VAV3: variants seen among roughly 807,000 people sequenced by gnomAD.
VAV3 encodes the protein guanine nucleotide exchange factor VAV3.
VAV3 carries 94 observed loss-of-function variants against 131.2 expected under a neutral mutation model. The ratio of observed to expected loss-of-function variants is 0.72; its 90% CI spans 0.61 to 0.85. VAV3 has a LOEUF of 0.85. VAV3 is among the 40% of genes least tolerant of loss of function. VAV3 has a pLI of 0.00. For missense variants in VAV3, 939 were observed against 1,002.7 expected, an observed-to-expected ratio of 0.94 and a Z score of 0.86; for synonymous variants, 349 against 342.0, an observed-to-expected ratio of 1.02 and a Z score of -0.22.
chr1:107,872,744 A>G (rs1313666866), intron 2 of VAV3, among the ~76,000 whole-genome samples: 1 of 152,190 alleles, frequency 6.6e-6, no homozygotes, highest in African/African-American at 2.4e-5. Context: ...ACAATCAGCT[A>G]GACCTGAGTT....
At chr1:107,873,741 C>G (rs548887728) in intron 2 of VAV3, among the ~76,000 whole-genome samples, 13 of 152,202 alleles carry the variant, frequency 8.5e-5, no homozygotes, top group South Asian at 4.1e-4. Flanking sequence ...TAGAAACCAC[C>G]TTCTTATCCC....
In VAV3 at chr1:107,595,371, A is replaced by T. The variant is rs1348392829; in HGVS notation, c.2350+841T>A. ...GTTTCTGCTTTCAAGGAAAAATATAAAGTTATATTAAACCGACGCAAATTC... is the reference window on the plus strand; with the variant it reads ...GTTTCTGCTTTCAAGGAAAAATATATAGTTATATTAAACCGACGCAAATTC... On this transcript the variant is annotated intron_variant, in intron 25 of 26. Transcript: ENST00000370056. Among the ~76,000 whole-genome samples, 3 of 152,130 alleles carry T rather than the reference A, an allele frequency of 2.0e-5. No homozygotes were observed. The East Asian group carries it at 5.8e-4, about 29-fold the overall frequency.
chr1:107,951,890 A>G (rs980404779), intron 1 of VAV3, among the ~76,000 whole-genome samples: 2 of 152,170 alleles, frequency 1.3e-5, no homozygotes, highest in Non-Finnish European at 2.9e-5. Flanking sequence ...AATTAGTTCA[A>G]CATTTGTGGA....
intron 2 of VAV3, among the ~76,000 whole-genome samples, chr1:107,796,896 C>A (rs897430612): frequency 6.6e-6 from 1 of 151,260 alleles, no homozygotes; most frequent in Non-Finnish European, 1.5e-5. Context: ...ATATCTGAAT[C>A]ATTTTGTTAC....
At chr1:107,850,991 G>T (rs1164040051) in intron 2 of VAV3, among the ~76,000 whole-genome samples, 1 of 151,974 alleles carries the variant, frequency 6.6e-6, no homozygotes, top group East Asian at 1.9e-4. Context: ...CTGAATTCTA[G>T]GTGGCAATAA....
chr1:107,857,858 G>A (rs1669541941), intron 2 of VAV3, among the ~76,000 whole-genome samples: 1 of 152,098 alleles, frequency 6.6e-6, no homozygotes. Context: ...TGGAGTTCGA[G>A]AGAGAAAAAA....
intron 1 of VAV3, among the ~76,000 whole-genome samples, chr1:107,924,096 C>T (rs915202590): frequency 6.6e-6 from 1 of 152,076 alleles, no homozygotes; most frequent in African/African-American, 2.4e-5. Context: ...GTTTTTAGAA[C>T]ATGTAATTCC....
chr1:107,860,342 G>A (rs1215580777), intron 2 of VAV3, among the ~76,000 whole-genome samples: 1 of 151,890 alleles, frequency 6.6e-6, no homozygotes, highest in Non-Finnish European at 1.5e-5. Flanking sequence ...GTAGATATAT[G>A]AGCGGTGATT....
chr1:107,943,370 G>A (rs1674091505), intron 1 of VAV3, among the ~76,000 whole-genome samples: 4 of 152,162 alleles, frequency 2.6e-5, no homozygotes, highest in Admixed American at 6.5e-5. Context: ...GTCCCTCCAG[G>A]GCCTTCATTT....
intron 19 of VAV3, among the ~76,000 whole-genome samples, chr1:107,648,398 A>T (rs990016681): frequency 1.3e-5 from 2 of 152,028 alleles, no homozygotes; most frequent in African/African-American, 4.8e-5. Flanking sequence ...ATATAAAATA[A>T]CTATAAAATT....
chr1:107,652,874 T>C (rs1266246795), intron 19 of VAV3, among the ~76,000 whole-genome samples: 3 of 152,134 alleles, frequency 2.0e-5, no homozygotes, highest in African/African-American at 4.8e-5. Context: ...ACTGCTAATA[T>C]ATTCCTTAAA....
At chr1:107,827,771 AAC>A (rs1668077885) in intron 2 of VAV3, among the ~76,000 whole-genome samples, 1 of 152,184 alleles carries the variant, frequency 6.6e-6, no homozygotes, top group Non-Finnish European at 1.5e-5. Context: ...TTTTATTTGA[AAC>A]AGTCTTATTT....
intron 15 of VAV3, among the ~76,000 whole-genome samples, chr1:107,711,235 T>G (rs1250366677): frequency 6.6e-6 from 1 of 152,194 alleles, no homozygotes; most frequent in African/African-American, 2.4e-5. Context: ...GATCTGTGTG[T>G]AAGTTTCTAA....
intron 2 of VAV3, among the ~76,000 whole-genome samples, chr1:107,839,338 C>G (rs184658524): frequency 6.6e-6 from 1 of 152,118 alleles, no homozygotes; most frequent in East Asian, 1.9e-4. Context: ...AGTATGTTCT[C>G]AGACAATATG....
chr1:107,797,162 A>G (rs1399246550), intron 2 of VAV3, among the ~76,000 whole-genome samples: 2 of 152,208 alleles, frequency 1.3e-5, no homozygotes, highest in African/African-American at 4.8e-5. Flanking sequence ...TCAATTTTAT[A>G]TAGTAAAAAG....
At chr1:107,617,460 T>C in intron 21 of VAV3, 107 bp downstream of exon 21, 1 of 823,068 alleles carries the variant, frequency 1.2e-6, no homozygotes, top group Non-Finnish European at 1.8e-6. Context: ...AAAATATTAA[T>C]AAAATTAATA....
chr1:107,758,465 G>T (rs1664237074), intron 10 of VAV3, among the ~76,000 whole-genome samples: 1 of 152,124 alleles, frequency 6.6e-6, no homozygotes, highest in Non-Finnish European at 1.5e-5. Flanking sequence ...TCAGCTACTT[G>T]GGAGGCTAAG....
intron 7 of VAV3, 63 bp from the exon 8 acceptor site, chr1:107,766,613 C>G (rs1462913854): frequency 2.3e-6 from 3 of 1,281,802 alleles, no homozygotes; most frequent in Non-Finnish European, 3.3e-6. Context: ...CACCCCAAAC[C>G]CAGAATCCTT....
chr1:107,612,731 C>A (rs1395126294), intron 21 of VAV3, among the ~76,000 whole-genome samples: 1 of 152,072 alleles, frequency 6.6e-6, no homozygotes, highest in African/African-American at 2.4e-5. Flanking sequence ...CCTGGCTTTC[C>A]TTAAAGTTTA....
Sources: gnomAD v4.1 joint callset for allele counts (sites outside exome capture counted in the v4.1 genomes callset) on GRCh38, gnomAD v4.1.1 for gene constraint, MANE v1.5 for transcripts, NCBI Gene and HGNC (gene_info 2026-07-23, HGNC 2026-07-21) for gene names.